Variants in OPTN observed in about 807,000 individuals in gnomAD.
OPTN encodes optineurin, also known as E3-14.7K-interacting protein.
In OPTN, 54 loss-of-function variants were observed where a neutral mutation model predicts 70.4. The ratio of observed to expected loss-of-function variants is 0.77; its 90% CI spans 0.62 to 0.96. OPTN has a LOEUF of 0.96. Ranked by LOEUF, OPTN falls within the 40% of genes least tolerant of loss-of-function variation. The probability of loss-of-function intolerance (pLI) is 0.00; values close to 1 mark genes in which losing one functional copy is unlikely to be tolerated. For synonymous variants in OPTN, 256 were observed against 248.5 expected (o/e 1.03, Z -0.28); for missense variants, 624 against 673.2 (o/e 0.93, Z 0.81).
chr10:13,110,743 A>T (rs1832978314), intron 4 of OPTN, among the ~76,000 whole-genome samples: 1 of 152,200 alleles, frequency 6.6e-6, no homozygotes, highest in African/African-American at 2.4e-5. Flanking sequence ...AAATCATTGT[A>T]TTGTATTCAT....
rs1353438853 is a variant in OPTN at position 13,119,045 on chromosome 10, G to T, written c.779+5G>T. 6.2e-7 allele frequency: 1 copy of T among 1,613,622 alleles called. No homozygotes were observed. Among genetic ancestry groups the T allele is most frequent in the Admixed American group, 1.7e-5 (1 of 60,004 alleles). On this transcript the variant is annotated splice_donor_5th_base_variant and intron_variant, in intron 7 of 14. Transcript: ENST00000378747. ...ACTCAAGGAGGCCAAAGAAAGGTAT[G>T]AAATAGGTTAACTTGAAATATGTGT...
At chr10:13,112,996 G>A (rs1833042072) in intron 5 of OPTN, among the ~76,000 whole-genome samples, 1 of 151,990 alleles carries the variant, frequency 6.6e-6, no homozygotes, top group South Asian at 2.1e-4. Context: ...TCACTTAAGG[G>A]AGCGCAAACA....
At chr10:13,117,340 A>G (rs907726011) in intron 6 of OPTN, among the ~76,000 whole-genome samples, 2 of 151,484 alleles carry the variant, frequency 1.3e-5, no homozygotes, top group Admixed American at 1.3e-4. Flanking sequence ...TTGGCCTCCC[A>G]AAGCGCTGGG....
intron 5 of OPTN, 112 bp downstream of exon 5, chr10:13,112,747 A>C: frequency 9.6e-7 from 1 of 1,044,988 alleles, no homozygotes; most frequent in Non-Finnish European, 1.5e-6. Context: ...AGGAAATTCC[A>C]GTGTAGCAAA....
chr10:13,136,620 TC>T, intron 14 of OPTN, 124 bp from the exon 15 acceptor site: 2 of 1,110,372 alleles, frequency 1.8e-6, no homozygotes, highest in Non-Finnish European at 2.6e-6. Flanking sequence ...ACACCTGTGC[TC>T]ATGTCCCACT....
At chr10:13,136,702 G>T (rs747304236) in intron 14 of OPTN, 43 bp from the exon 15 acceptor site, 2 of 1,613,030 alleles carry the variant, frequency 1.2e-6, no homozygotes, top group Middle Eastern at 1.7e-4. Flanking sequence ...AAACACAACT[G>T]CCTGCAAAAT....
intron 12 of OPTN, among the ~76,000 whole-genome samples, chr10:13,129,626 G>A (rs1409383005): frequency 1.3e-5 from 2 of 152,146 alleles, no homozygotes; most frequent in Non-Finnish European, 2.9e-5. Context: ...GAGCCACCGT[G>A]CCTGGCCAGC....
chr10:13,113,537 G>A (rs1460999877), intron 5 of OPTN, among the ~76,000 whole-genome samples: 1 of 152,148 alleles, frequency 6.6e-6, no homozygotes, highest in East Asian at 1.9e-4. Context: ...AACCCCAGAT[G>A]AAGTGGGCTA....
chr10:13,130,898 ATTAC>A (rs1252760243), intron 12 of OPTN, among the ~76,000 whole-genome samples: 1 of 152,124 alleles, frequency 6.6e-6, no homozygotes, highest in Non-Finnish European at 1.5e-5. Flanking sequence ...TTTTTTAAAA[ATTAC>A]TTAATTTTTA....
At chr10:13,132,341 C>G in intron 13 of OPTN, 144 bp downstream of exon 13, 1 of 691,568 alleles carries the variant, frequency 1.4e-6, no homozygotes, top group Non-Finnish European at 2.4e-6. Context: ...GAGCGAGTCC[C>G]CTGTCTGAAA....
intron 5 of OPTN, among the ~76,000 whole-genome samples, chr10:13,114,971 ATT>A (rs371986409): frequency 0.05 from 359 of 7,136 alleles, 69 homozygotes; most frequent in Admixed American, 0.11. Flanking sequence ...ATTTATATAT[ATT>A]TATATATAGA....
At chr10:13,124,296 G>T (rs1268182594) in intron 9 of OPTN, among the ~76,000 whole-genome samples, 186 bp downstream of exon 9, 9 of 152,200 alleles carry the variant, frequency 5.9e-5, no homozygotes, top group African/African-American at 2.2e-4. Flanking sequence ...TTGTAAGATG[G>T]GGGGTTGGGG....
intron 14 of OPTN, among the ~76,000 whole-genome samples, chr10:13,133,959 C>T (rs551491165): frequency 1.3e-5 from 2 of 152,172 alleles, no homozygotes; most frequent in South Asian, 2.1e-4. Flanking sequence ...CAGGCGTGCA[C>T]CGCCACACCC....
In OPTN at chr10:13,137,869, A is replaced by T. The variant is rs1044403454; in HGVS notation, c.*1003A>T. 2.3e-4 allele frequency: 53 copies of T among 225,944 alleles called. No homozygotes were observed. The highest frequency in any genetic ancestry group is 1.1e-3 in the African/African-American group (50 of 44,972). The allele number at this position is 225,944 out of a possible 1,614,324, so 14.0% of individuals were successfully genotyped here. A position where few individuals can be genotyped will look rare whatever the true frequency, so the allele number is the denominator to read the frequency against. The stretch of plus-strand genomic sequence containing the variant: ...TACCTGCAGGCCTGTGGGCTTGTAC[A>T]GTAGATAATTAATTTCTAAAAAGAA... On this transcript the variant is annotated 3_prime_UTR_variant, in exon 15 of 15. Coordinates refer to ENST00000378747, the MANE Select transcript of OPTN (RefSeq NM_001008212.2).
chr10:13,102,538 C>T lies in OPTN; in HGVS notation c.-164+2236C>T, dbSNP rs118161070. 4.5e-3 allele frequency among the ~76,000 whole-genome samples: 688 copies of T among 152,312 alleles called. 4 individuals carry two copies. The highest frequency in any genetic ancestry group is 7.2e-3 in the Non-Finnish European group (489 of 68,026). On this transcript the variant is annotated intron_variant, in intron 1 of 14. Transcript: ENST00000378747. Reference sequence around the variant, plus strand: ...TCAGTCCTGGGGATACAGCAGTGGACAAAATAGGCAGAACCCCTGTCCTTT... The same window carrying T: ...TCAGTCCTGGGGATACAGCAGTGGATAAAATAGGCAGAACCCCTGTCCTTT...
intron 6 of OPTN, chr10:13,116,553 A>T: frequency 1.6e-6 from 1 of 618,540 alleles, no homozygotes; most frequent in Non-Finnish European, 3.0e-6. Context: ...TTTGGCTCAC[A>T]CTGACTGCTC....
chr10:13,128,621 C>A (rs1352271551), intron 12 of OPTN, among the ~76,000 whole-genome samples: 1 of 145,428 alleles, frequency 6.9e-6, no homozygotes, highest in African/African-American at 2.6e-5. Flanking sequence ...CGGCTCATTG[C>A]AACCTCTGCC....
In OPTN at chr10:13,112,490, C is replaced by A; in HGVS notation, c.407C>A (p.Ala136Glu). The part of the protein sequence containing the change: ...TDDSRLPRAE[A>E]EQEKDQLRTQ... ...GACTCCAGGCTTCCCAGGGCCGAAG[C>A]GGAGCAGGAAAAGGACCAGCTCAGG... Residue 136 changes from alanine to glutamate, a missense_variant, in exon 5 of 15, where the codon GCG becomes GAG. Ala to Glu is a moderately radical substitution (Grantham distance 107). Transcript: ENST00000378747. 1 of 1,613,982 alleles carries A rather than the reference C, an allele frequency of 6.2e-7. No homozygotes were observed. Among genetic ancestry groups the A allele is most frequent in the East Asian group, 2.2e-5 (1 of 44,844 alleles).
chr10:13,124,404 C>T (rs1184505513), intron 9 of OPTN, among the ~76,000 whole-genome samples: 1 of 152,032 alleles, frequency 6.6e-6, no homozygotes, highest in African/African-American at 2.4e-5. Context: ...TTTCCTGTTA[C>T]TGACTTAAGC....
Sources: allele counts gnomAD v4.1 joint callset (sites outside exome capture counted in the v4.1 genomes callset), GRCh38; gene constraint gnomAD v4.1.1; transcripts MANE v1.5; gene names NCBI Gene and HGNC (gene_info 2026-07-23, HGNC 2026-07-21).